MGAT4C: variants seen among roughly 807,000 people sequenced by gnomAD.
The protein encoded by MGAT4C is MGAT4 family member C.
Under a neutral mutation model 40.1 loss-of-function variants are expected in MGAT4C, and 19 were observed. That is an observed-to-expected ratio of 0.47 (90% CI 0.33 to 0.70). The LOEUF (loss-of-function observed/expected upper bound fraction) is 0.70. Ranked by LOEUF, MGAT4C falls within the 30% of genes least tolerant of loss-of-function variation. The probability of loss-of-function intolerance (pLI) is 0.02; values close to 1 mark genes in which losing one functional copy is unlikely to be tolerated. For missense variants in MGAT4C, 491 were observed against 563.2 expected, an observed-to-expected ratio of 0.87 and a Z score of 1.30; for synonymous variants, 181 against 187.1, an observed-to-expected ratio of 0.97 and a Z score of 0.27.
chr12:86,656,435 G>A (rs17014083), intron 2 of MGAT4C, among the ~76,000 whole-genome samples: 19,761 of 151,974 alleles, frequency 0.13, 1,989 homozygotes, highest in African/African-American at 0.28. Flanking sequence ...TGGAGACATG[G>A]TAGGCTAACA....
Position 86,624,914 on chromosome 12 carries a change from G to A in MGAT4C, c.-229+102295C>T, listed in dbSNP as rs150074709. ...ATAAAATAAAAAATTTTGGTTCCAT[G>A]TCTCCACACCCAAATCTCATCTCAA... On this transcript the variant is annotated intron_variant, in intron 2 of 7. Transcript: ENST00000548651. Among the ~76,000 whole-genome samples the A allele has an allele frequency of 3.0e-3, 459 of 151,866 alleles. 2 individuals carry two copies. Among genetic ancestry groups the A allele is most frequent in the African/African-American group, 0.011 (438 of 41,398 alleles).
At chr12:86,393,832 CG>C (rs1565728891) in intron 3 of MGAT4C, among the ~76,000 whole-genome samples, 1 of 152,124 alleles carries the variant, frequency 6.6e-6, no homozygotes, top group African/African-American at 2.4e-5. Context: ...CTATAGAAAT[CG>C]GCATCATCCA....
chr12:86,554,386 C>T (rs1959510552), intron 2 of MGAT4C, among the ~76,000 whole-genome samples: 1 of 152,098 alleles, frequency 6.6e-6, no homozygotes, highest in Non-Finnish European at 1.5e-5. Context: ...CTTTTAGGTA[C>T]ACTTGTCATT....
intron 2 of MGAT4C, among the ~76,000 whole-genome samples, chr12:86,486,486 G>GA (rs374900364): frequency 2.0e-5 from 3 of 149,324 alleles, no homozygotes; most frequent in Admixed American, 6.7e-5. Flanking sequence ...AATCAAGAAG[G>GA]AAAAAAAAGG....
intron 2 of MGAT4C, among the ~76,000 whole-genome samples, chr12:86,013,986 T>G (rs61931072): frequency 0.16 from 24,135 of 152,130 alleles, 2,267 homozygotes; most frequent in African/African-American, 0.27. Flanking sequence ...TTACCTATTT[T>G]TCTGCTGACC....
chr12:86,801,960 T>A (rs1433477138), intron 1 of MGAT4C, among the ~76,000 whole-genome samples: 5 of 151,898 alleles, frequency 3.3e-5, no homozygotes, highest in Non-Finnish European at 7.4e-5. Flanking sequence ...TGGCCCATTG[T>A]TTTCTACCAG....
chr12:86,266,296 T>C (rs1042967289), intron 4 of MGAT4C, among the ~76,000 whole-genome samples: 6 of 152,164 alleles, frequency 3.9e-5, no homozygotes, highest in Admixed American at 3.9e-4. Flanking sequence ...ACATTTATTA[T>C]TTTGAGGCAT....
Position 86,743,254 on chromosome 12 carries a change from A to G in MGAT4C, c.-261-16013T>C, listed in dbSNP as rs567838320. Among the ~76,000 whole-genome samples, 3 of 151,592 alleles carry G rather than the reference A, an allele frequency of 2.0e-5. No homozygotes were observed. In the East Asian group the frequency reaches 5.9e-4, roughly 30 times the overall value. ...AGCATTTCTTCACAAAGAACTAGGG[A>G]AATGGCCATACTGTGTAACTTTAAA... On this transcript the variant is annotated intron_variant, in intron 1 of 7. Transcript: ENST00000548651.
chr12:86,365,681 TG>T (rs1483706722), intron 3 of MGAT4C, among the ~76,000 whole-genome samples: 2 of 150,204 alleles, frequency 1.3e-5, no homozygotes, highest in Admixed American at 1.3e-4. Context: ...ATTTCCCCAC[TG>T]TTTTTTTTTT....
At chr12:86,572,596 C>G (rs1960408446) in intron 2 of MGAT4C, among the ~76,000 whole-genome samples, 1 of 152,082 alleles carries the variant, frequency 6.6e-6, no homozygotes, top group East Asian at 1.9e-4. Flanking sequence ...GAACTACTTA[C>G]TCTTCTCTAA....
chr12:86,507,060 A>G (rs1452801560), intron 2 of MGAT4C, among the ~76,000 whole-genome samples: 1 of 152,210 alleles, frequency 6.6e-6, no homozygotes, highest in East Asian at 1.9e-4. Context: ...GGTGGTCGAC[A>G]TACAATGTCT....
intron 1 of MGAT4C, among the ~76,000 whole-genome samples, chr12:86,171,167 C>T (rs921260664): frequency 5.3e-5 from 8 of 151,922 alleles, no homozygotes; most frequent in Non-Finnish European, 7.4e-5. Context: ...GTCAGGAGTT[C>T]GAGACTAGCC....
chr12:86,215,265 G>T (rs1320678666), intron 1 of MGAT4C, among the ~76,000 whole-genome samples: 1 of 151,366 alleles, frequency 6.6e-6, no homozygotes, highest in African/African-American at 2.4e-5. Flanking sequence ...AATTTCTAGG[G>T]TTTAAAAAAA....
intron 1 of MGAT4C, among the ~76,000 whole-genome samples, chr12:86,756,151 G>T (rs975614823): frequency 6.6e-6 from 1 of 152,132 alleles, no homozygotes; most frequent in East Asian, 1.9e-4. Context: ...CCAGAGCCCA[G>T]AAGTGAAAGA....
At position 86,437,885 on chromosome 12, in the gene MGAT4C, A is replaced by G. The variant is rs533496937; in HGVS notation, c.-228-2620T>C. Reference sequence around the variant, plus strand: ...CAGACTACCGCACTGACCAGCTGTTACTCATCTTTCTTCTTCTACTAGAGA... The same window carrying G: ...CAGACTACCGCACTGACCAGCTGTTGCTCATCTTTCTTCTTCTACTAGAGA... On this transcript the variant is annotated intron_variant, in intron 2 of 7. Transcript: ENST00000548651. Among the ~76,000 whole-genome samples, 4 of 151,988 alleles carry G rather than the reference A, an allele frequency of 2.6e-5. No individual in the cohort carries two copies. The South Asian group carries it at 8.3e-4, about 32-fold the overall frequency.
chr12:86,504,866 C>G (rs1958442495), intron 2 of MGAT4C, among the ~76,000 whole-genome samples: 1 of 152,076 alleles, frequency 6.6e-6, no homozygotes, highest in Admixed American at 6.6e-5. Flanking sequence ...CCACGATGGT[C>G]TCGATCTCTT....
At chr12:86,178,873 T>C (rs1887782637) in intron 1 of MGAT4C, among the ~76,000 whole-genome samples, 1 of 152,222 alleles carries the variant, frequency 6.6e-6, no homozygotes, top group Non-Finnish European at 1.5e-5. Flanking sequence ...CCAATGCCCC[T>C]CAACTCTGCT....
At chr12:86,032,438 T>A (rs974624208) in intron 2 of MGAT4C, among the ~76,000 whole-genome samples, 4 of 144,132 alleles carry the variant, frequency 2.8e-5, no homozygotes, top group African/African-American at 9.8e-5. Flanking sequence ...ATTTTTTGAC[T>A]TTTTAATAAT....
chr12:86,622,001 C>T (rs1338451677), intron 2 of MGAT4C, among the ~76,000 whole-genome samples: 1 of 152,104 alleles, frequency 6.6e-6, no homozygotes, highest in Non-Finnish European at 1.5e-5. Context: ...CTAAAGTGTA[C>T]TGTGTTGCCA....
Sources: gnomAD v4.1 joint callset for allele counts (sites outside exome capture counted in the v4.1 genomes callset) on GRCh38, gnomAD v4.1.1 for gene constraint, MANE v1.5 for transcripts, NCBI Gene and HGNC (gene_info 2026-07-23, HGNC 2026-07-21) for gene names.